COL25A1: variants seen among roughly 807,000 people sequenced by gnomAD.
COL25A1 encodes the protein collagen type XXV alpha 1 chain, also known as collagen alpha-1(XXV) chain.
COL25A1 carries 103 observed loss-of-function variants against 128.4 expected under a neutral mutation model. The ratio of observed to expected loss-of-function variants is 0.80; its 90% CI spans 0.68 to 0.94. The LOEUF is 0.94. Among genes scored for constraint, COL25A1 ranks in the 40% least tolerant of loss-of-function variants. The probability of loss-of-function intolerance (pLI) is 0.00; values close to 1 mark genes in which losing one functional copy is unlikely to be tolerated. For missense variants in COL25A1, 745 were observed against 840.0 expected (o/e 0.89, Z 1.40); for synonymous variants, 279 against 277.2 (o/e 1.01, Z -0.06).
chr4:109,277,090 A>G (rs1722921417), intron 3 of COL25A1, among the ~76,000 whole-genome samples: 1 of 152,238 alleles, frequency 6.6e-6, no homozygotes, highest in South Asian at 2.1e-4. Context: ...AAAATACTGC[A>G]TGCATGATTC....
At chr4:108,870,801 T>A (rs6829070) in intron 19 of COL25A1, among the ~76,000 whole-genome samples, 76,258 of 152,058 alleles carry the variant, frequency 0.5, 21,178 homozygotes, top group East Asian at 0.93. Context: ...AGTCAATGTG[T>A]ATCATTGGTA....
rs372388502 is a variant in COL25A1 at position 109,147,366 on chromosome 4, G to A, written c.368-97187C>T. ...GCTTCACTTTGCTCACCATGAGCCT[G>A]TGCACAACCCTAAGGGAATCGCTCA... On this transcript the variant is annotated intron_variant, in intron 3 of 37. Coordinates refer to ENST00000399132, the MANE Select transcript of COL25A1 (RefSeq NM_198721.4). 5.9e-5 allele frequency among the ~76,000 whole-genome samples: 9 copies of A among 152,198 alleles called. No individual in the cohort carries two copies. In the East Asian group the frequency reaches 1.7e-3, roughly 29 times the overall value.
At chr4:109,199,247 A>T (rs1480697798) in intron 3 of COL25A1, among the ~76,000 whole-genome samples, 2 of 152,234 alleles carry the variant, frequency 1.3e-5, no homozygotes, top group Admixed American at 6.5e-5. Flanking sequence ...AAAATCTAAT[A>T]GATCCCTGTC....
At chr4:108,834,311 C>A in intron 31 of COL25A1, 1 of 1,544,746 alleles carries the variant, frequency 6.5e-7, no homozygotes, top group South Asian at 1.2e-5. Context: ...GCACATGATT[C>A]ACAGCCACAA....
intron 8 of COL25A1, among the ~76,000 whole-genome samples, chr4:108,943,890 T>C (rs1162083516): frequency 6.6e-6 from 1 of 151,706 alleles, no homozygotes; most frequent in Non-Finnish European, 1.5e-5. Flanking sequence ...CAGCAATACA[T>C]GGCCTAGGCT....
chr4:109,178,168 C>T (rs2126140904), intron 3 of COL25A1, among the ~76,000 whole-genome samples: 1 of 152,222 alleles, frequency 6.6e-6, no homozygotes, highest in South Asian at 2.1e-4. Flanking sequence ...CATCCTTATG[C>T]CAATCATTCA....
At chr4:109,163,285 A>C (rs1343305486) in intron 3 of COL25A1, among the ~76,000 whole-genome samples, 4 of 152,212 alleles carry the variant, frequency 2.6e-5, no homozygotes, top group African/African-American at 9.6e-5. Context: ...AAATCCAGCA[A>C]GGTTTAGAGA....
chr4:109,228,038 G>A (rs1010905383), intron 3 of COL25A1, among the ~76,000 whole-genome samples: 1 of 152,144 alleles, frequency 6.6e-6, no homozygotes, highest in South Asian at 2.1e-4. Context: ...AGCAGGCCTG[G>A]AGTTCTGATG....
At chr4:108,863,058 C>T (rs1256959600) in intron 21 of COL25A1, among the ~76,000 whole-genome samples, 1 of 152,126 alleles carries the variant, frequency 6.6e-6, no homozygotes, top group Non-Finnish European at 1.5e-5. Flanking sequence ...TTTTAATACA[C>T]ATTGAGTGAT....
chr4:109,182,346 T>G (rs1008295577), intron 3 of COL25A1, among the ~76,000 whole-genome samples: 1 of 152,116 alleles, frequency 6.6e-6, no homozygotes, highest in Admixed American at 6.6e-5. Context: ...TTTTCATGGC[T>G]GTTTGTTATT....
chr4:109,121,570 A>T (rs934526204), intron 3 of COL25A1, among the ~76,000 whole-genome samples: 2 of 152,138 alleles, frequency 1.3e-5, no homozygotes, highest in African/African-American at 4.8e-5. Flanking sequence ...AACAACAATA[A>T]GATATTACTA....
intron 6 of COL25A1, among the ~76,000 whole-genome samples, chr4:108,992,381 C>T (rs1279696122): frequency 6.6e-6 from 1 of 152,092 alleles, no homozygotes; most frequent in East Asian, 1.9e-4. Context: ...GTCAATAGAT[C>T]TTTGTAAAGA....
intron 3 of COL25A1, among the ~76,000 whole-genome samples, chr4:109,061,015 TTC>T (rs1761918754): frequency 6.6e-6 from 1 of 152,184 alleles, no homozygotes; most frequent in Non-Finnish European, 1.5e-5. Flanking sequence ...CATCATGCAA[TTC>T]TCCAGATCAA....
rs1740044392 is a variant in COL25A1 at position 108,880,967 on chromosome 4, T to G, written c.1020+3211A>C. ...GTGAAAGCTTGTTTCAGAAACTAAT[T>G]TTCTGGGCTCAAATCTTATTCCAGA... On this transcript the variant is annotated intron_variant, in intron 19 of 37. Transcript: ENST00000399132. 3.9e-5 allele frequency among the ~76,000 whole-genome samples: 6 copies of G among 152,228 alleles called. No homozygotes were observed. In the South Asian group the frequency reaches 1.2e-3, roughly 31 times the overall value.
intron 3 of COL25A1, among the ~76,000 whole-genome samples, chr4:109,074,617 G>A (rs1398500998): frequency 6.6e-6 from 1 of 152,148 alleles, no homozygotes; most frequent in East Asian, 1.9e-4. Flanking sequence ...TCCTGATGAT[G>A]TGACTTAGTT....
At chr4:109,085,532 A>G (rs1764272467) in intron 3 of COL25A1, among the ~76,000 whole-genome samples, 1 of 152,126 alleles carries the variant, frequency 6.6e-6, no homozygotes. Context: ...CCCCTCTCCA[A>G]TGCATTAAAC....
chr4:109,149,258 C>T (rs186774878), intron 3 of COL25A1, among the ~76,000 whole-genome samples: 64 of 152,154 alleles, frequency 4.2e-4, no homozygotes, highest in African/African-American at 1.1e-3. Context: ...ATTTCGGAAA[C>T]GGTTTCCTAT....
At chr4:109,205,300 T>A (rs1170844991) in intron 3 of COL25A1, among the ~76,000 whole-genome samples, 1 of 152,168 alleles carries the variant, frequency 6.6e-6, no homozygotes, top group South Asian at 2.1e-4. Context: ...TATCCATTCT[T>A]TCTTGCTTGC....
chr4:108,833,679 A>T (rs971542480), intron 31 of COL25A1, among the ~76,000 whole-genome samples: 1 of 152,172 alleles, frequency 6.6e-6, no homozygotes, highest in Admixed American at 6.5e-5. Flanking sequence ...GAGCTTTGTG[A>T]TAAGAAAGAA....
Sources: gnomAD v4.1 joint callset for allele counts (sites outside exome capture counted in the v4.1 genomes callset) on GRCh38, gnomAD v4.1.1 for gene constraint, MANE v1.5 for transcripts, NCBI Gene and HGNC (gene_info 2026-07-23, HGNC 2026-07-21) for gene names.